ATP9A: variants seen among roughly 807,000 people sequenced by gnomAD.
The protein encoded by ATP9A is ATPase phospholipid transporting 9A.
A neutral mutation model predicts 144.1 loss-of-function variants in ATP9A; 52 were observed. The observed-to-expected ratio is 0.36, with a 90% CI of 0.29 to 0.45. The LOEUF is 0.45. ATP9A is among the 20% of genes least tolerant of loss of function. The pLI, the probability that ATP9A is intolerant of heterozygous loss-of-function variation, is 1.00. For missense variants in ATP9A, 947 were observed against 1,392.7 expected (o/e 0.68, Z 5.09); for synonymous variants, 582 against 557.4 (o/e 1.04, Z -0.62).
chr20:51,617,662 G>T (rs1264314065), intron 21 of ATP9A, 108 bp from the exon 22 acceptor site: 3 of 1,207,866 alleles, frequency 2.5e-6, no homozygotes, highest in Non-Finnish European at 2.4e-6. Flanking sequence ...CTTGCTGAGT[G>T]CCTGGCCTGC....
intron 1 of ATP9A, among the ~76,000 whole-genome samples, chr20:51,746,943 T>C (rs1183675870): frequency 1.5e-5 from 2 of 131,850 alleles, no homozygotes; most frequent in Non-Finnish European, 3.2e-5. Context: ...GAGGCGGAGG[T>C]TGCAGTGAGC....
chr20:51,607,498 G>C (rs2077168105), intron 26 of ATP9A, 29 bp downstream of exon 26: 4 of 1,583,038 alleles, frequency 2.5e-6, no homozygotes, highest in East Asian at 2.2e-5. Context: ...CAGAGCACAA[G>C]ACAAACAGGT....
chr20:51,613,559 C>A, intron 23 of ATP9A, 118 bp downstream of exon 23: 1 of 1,184,050 alleles, frequency 8.4e-7, no homozygotes, highest in African/African-American at 1.6e-5. Flanking sequence ...ATCTAATTCC[C>A]AGGCTTTTTC....
At chr20:51,663,066 C>T (rs1291118399) in intron 13 of ATP9A, among the ~76,000 whole-genome samples, 2 of 151,798 alleles carry the variant, frequency 1.3e-5, no homozygotes, top group Non-Finnish European at 2.9e-5. Context: ...TCGAAAACTC[C>T]ATCTCAAAAA....
intron 2 of ATP9A, 152 bp from the exon 3 acceptor site, chr20:51,726,084 C>G (rs370114720): frequency 4.9e-6 from 3 of 610,096 alleles, no homozygotes; most frequent in Non-Finnish European, 8.8e-6. Flanking sequence ...GAGGCCGAGG[C>G]GAGCGGATCA....
chr20:51,761,524 GGCCAAGGC>G (rs1161575040), intron 1 of ATP9A, among the ~76,000 whole-genome samples: 1 of 152,134 alleles, frequency 6.6e-6, no homozygotes, highest in African/African-American at 2.4e-5. Flanking sequence ...CACTTTGGGA[GGCCAAGGC>G]GGGCAGATCA....
intron 1 of ATP9A, among the ~76,000 whole-genome samples, chr20:51,763,298 A>G (rs938181812): frequency 3.3e-5 from 5 of 150,354 alleles, no homozygotes; most frequent in Non-Finnish European, 7.4e-5. Flanking sequence ...TTTTTTTTTA[A>G]TCAATGGTTT....
rs2077575462 is a variant in ATP9A, at chr20:51,697,479, G to A, written c.440C>T (p.Thr147Ile). 2 of 1,613,246 alleles carry A rather than the reference G, an allele frequency of 1.2e-6. No homozygotes were observed. Among genetic ancestry groups the A allele is most frequent in the African/African-American group, 1.3e-5 (1 of 74,896 alleles). The change falls in exon 5 of 28, where the codon ACA becomes ATA. Residue 147 changes from threonine to isoleucine, a missense_variant. By Grantham distance (89) the Thr-to-Ile change is moderately conservative. This residue lies in a region of ATP9A where 770 missense variants were observed against 1,047.9 expected (regional missense o/e 0.73). Coordinates refer to ENST00000338821, the MANE Select transcript of ATP9A (RefSeq NM_006045.3). ...GATGTTAGAACTCTTCACCTTCACT[G>A]TGCCTGCAAAGCAGCAGGTTCAAGA... The part of the protein sequence containing the change: ...QVYSRLTARG[T>I]VKVKSSNIQV...
intron 3 of ATP9A, among the ~76,000 whole-genome samples, chr20:51,725,246 A>G (rs1305299088): frequency 1.3e-5 from 2 of 152,152 alleles, no homozygotes; most frequent in Middle Eastern, 3.4e-3. Context: ...CCTCAGCCTC[A>G]CAAGTAGTTG....
intron 4 of ATP9A, 69 bp downstream of exon 4, chr20:51,712,897 C>A: frequency 7.1e-7 from 1 of 1,407,116 alleles, no homozygotes. Flanking sequence ...GCCTTGAACT[C>A]TTCTCCCCTG....
chr20:51,749,349 G>A (rs1307406706), intron 1 of ATP9A, among the ~76,000 whole-genome samples: 2 of 151,876 alleles, frequency 1.3e-5, no homozygotes, highest in East Asian at 1.9e-4. Context: ...TGCAACCTCC[G>A]CCTCCCGGAT....
intron 1 of ATP9A, among the ~76,000 whole-genome samples, chr20:51,749,512 C>T (rs2077822765): frequency 6.6e-6 from 1 of 152,282 alleles, no homozygotes; most frequent in African/African-American, 2.4e-5. Context: ...GATCCACCCA[C>T]CTTGGTCTCC....
chr20:51,604,112 C>T (rs915889989), intron 27 of ATP9A, among the ~76,000 whole-genome samples: 8 of 152,090 alleles, frequency 5.3e-5, no homozygotes, highest in Admixed American at 1.3e-4. Context: ...TGTGCCTGGG[C>T]GTCTAGCACC....
intron 11 of ATP9A, 111 bp downstream of exon 11, chr20:51,674,042 C>T: frequency 3.0e-6 from 4 of 1,334,046 alleles, no homozygotes; most frequent in Non-Finnish European, 2.0e-6. Flanking sequence ...AAGAGCAAAA[C>T]TCCATCTCAG....
At chr20:51,672,416 A>AT (rs747167064) in intron 11 of ATP9A, among the ~76,000 whole-genome samples, 6 of 152,148 alleles carry the variant, frequency 3.9e-5, no homozygotes, top group Non-Finnish European at 8.8e-5. Flanking sequence ...CGACTCACCA[A>AT]TTTTTAATCA....
chr20:51,657,049 G>C lies in ATP9A; in HGVS notation c.1395C>G (p.Leu465=), dbSNP rs764181764. 44 of 1,614,106 alleles carry C rather than the reference G, an allele frequency of 2.7e-5. No individual in the cohort carries two copies. In the Admixed American group the frequency reaches 6.7e-4, roughly 24 times the overall value. Residue 465 remains leucine, a synonymous_variant, in exon 14 of 28, where the codon CTC becomes CTG. Transcript: ENST00000338821. ...RVHEAVKAIA[L]CHNVTPVYES... ...CATACACGGGAGTCACGTTGTGGCA[G>C]AGCGCGATGGCCTTCACGGCTTCGT...
intron 1 of ATP9A, among the ~76,000 whole-genome samples, chr20:51,767,139 C>A (rs991848912): frequency 2.0e-5 from 3 of 151,916 alleles, no homozygotes; most frequent in African/African-American, 4.8e-5. Flanking sequence ...ACTCCACCCG[C>A]CGCGTCTCCT....
intron 15 of ATP9A, among the ~76,000 whole-genome samples, chr20:51,637,996 G>A (rs2077300039): frequency 7.0e-6 from 1 of 143,804 alleles, no homozygotes. Flanking sequence ...TTAGATAATA[G>A]TCCCCAATCC....
rs3029335 is a variant in ATP9A at position 51,637,306 on chromosome 20, T to TAAAAA, written c.1668+2032_1668+2036dup. On this transcript the variant is annotated intron_variant, in intron 15 of 27. Transcript: ENST00000338821. ...TCTTATTTGATAACTTCCCTAACATTAAAAAAAAAAAAAAAAAAAAAAAGA... is the reference window on the plus strand; with the variant it reads ...TCTTATTTGATAACTTCCCTAACATTAAAAAAAAAAAAAAAAAAAAAAAAAAAAGA... Among the ~76,000 whole-genome samples the TAAAAA allele has an allele frequency of 7.2e-3, 643 of 89,922 alleles. 14 individuals carry two copies. The highest frequency in any genetic ancestry group is 0.024 in the East Asian group (48 of 2,034). 59.0% of individuals were successfully genotyped at this position (89,922 alleles called of 152,430 possible).
Sources: allele counts gnomAD v4.1 joint callset (sites outside exome capture counted in the v4.1 genomes callset), GRCh38; gene constraint gnomAD v4.1.1; regional missense constraint gnomAD v4.1.1; transcripts MANE v1.5; gene names NCBI Gene and HGNC (gene_info 2026-07-23, HGNC 2026-07-21).